WDR17: variants seen among roughly 807,000 people sequenced by gnomAD.
WDR17 encodes WD repeat domain 17.
A neutral mutation model predicts 161.7 loss-of-function variants in WDR17; 143 were observed. The ratio of observed to expected loss-of-function variants is 0.88; its 90% CI spans 0.77 to 1.02. WDR17 has a LOEUF of 1.02. Among genes scored for constraint, WDR17 ranks in the 50% least tolerant of loss-of-function variants. The pLI is 0.00. For missense variants in WDR17, 1,469 were observed against 1,520.9 expected, an observed-to-expected ratio of 0.97 and a Z score of 0.57; for synonymous variants, 517 against 515.6, an observed-to-expected ratio of 1.00 and a Z score of -0.04.
intron 1 of WDR17, among the ~76,000 whole-genome samples, chr4:176,082,308 A>G (rs192646944): frequency 2.0e-5 from 3 of 152,228 alleles, no homozygotes; most frequent in Non-Finnish European, 4.4e-5. Context: ...CTGAATTTTA[A>G]TAACCATGTA....
At chr4:176,123,959 A>T (rs1011961091) in intron 4 of WDR17, among the ~76,000 whole-genome samples, 1 of 152,230 alleles carries the variant, frequency 6.6e-6, no homozygotes, top group Non-Finnish European at 1.5e-5. Flanking sequence ...GCATACAAAA[A>T]GACACTGTAG....
intron 20 of WDR17, among the ~76,000 whole-genome samples, 191 bp from the exon 21 acceptor site, chr4:176,161,884 T>C (rs1254144630): frequency 1.3e-5 from 2 of 152,172 alleles, no homozygotes; most frequent in Non-Finnish European, 2.9e-5. Flanking sequence ...TAGAGGGAGA[T>C]AGAGGCTTAT....
rs140459637 is a variant in WDR17 at position 176,168,688 on chromosome 4, C to G, written c.3007C>G (p.Leu1003Val). The change falls in exon 23 of 29, where the codon CTT becomes GTT. Residue 1003 changes from leucine (L) to valine (V), a missense_variant. Coordinates refer to ENST00000508596, the MANE Select transcript of WDR17 (RefSeq NM_181265.4). ...MISVWNLAAD[L>V]LLMIPDNELH... ...CGTTAACAGGAATTTGGCAGCTGAT[C>G]TTCTTCTGATGATTCCTGATAATGA... The G allele has an allele frequency of 7.3e-3, 11,753 of 1,612,816 alleles. 63 individuals carry two copies. Among genetic ancestry groups the G allele is most frequent in the Non-Finnish European group, 7.8e-3 (9,168 of 1,179,636 alleles).
chr4:176,137,225 A>C (rs1454360843), intron 8 of WDR17, among the ~76,000 whole-genome samples: 3 of 151,550 alleles, frequency 2.0e-5, no homozygotes, highest in African/African-American at 7.2e-5. Flanking sequence ...AGAGATGCAT[A>C]CTGAAGTTTT....
intron 1 of WDR17, among the ~76,000 whole-genome samples, chr4:176,073,318 T>C (rs927436475): frequency 2.6e-5 from 4 of 152,120 alleles, no homozygotes; most frequent in Non-Finnish European, 5.9e-5. Flanking sequence ...TGTGTTCTCA[T>C]TGTTCAATTC....
chr4:176,171,255 GATC>G (rs1416451735), intron 23 of WDR17, among the ~76,000 whole-genome samples: 1 of 152,142 alleles, frequency 6.6e-6, no homozygotes, highest in Non-Finnish European at 1.5e-5. Flanking sequence ...TTACAAGGAT[GATC>G]ATCTTTTTCT....
intron 1 of WDR17, among the ~76,000 whole-genome samples, chr4:176,092,825 A>G (rs1304016651): frequency 6.6e-6 from 1 of 152,018 alleles, no homozygotes; most frequent in Non-Finnish European, 1.5e-5. Flanking sequence ...GTGGATCACT[A>G]GCGGTCAGGA....
intron 26 of WDR17, among the ~76,000 whole-genome samples, chr4:176,174,935 T>C (rs1233213912): frequency 6.6e-6 from 1 of 152,240 alleles, no homozygotes; most frequent in African/African-American, 2.4e-5. Flanking sequence ...CTAGGATTTA[T>C]TGATCTTTCA....
At chr4:176,091,107 G>C (rs1360817833) in intron 1 of WDR17, among the ~76,000 whole-genome samples, 1 of 152,144 alleles carries the variant, frequency 6.6e-6, no homozygotes, top group Non-Finnish European at 1.5e-5. Context: ...GGCCAGTTTT[G>C]GGGCTAGTTT....
chr4:176,083,835 C>A (rs1322930427), intron 1 of WDR17, among the ~76,000 whole-genome samples: 1 of 152,104 alleles, frequency 6.6e-6, no homozygotes, highest in Non-Finnish European at 1.5e-5. Flanking sequence ...TGTCGCCAAT[C>A]TGTGGTATTG....
chr4:176,157,450 G>T (rs1748334104), intron 18 of WDR17, among the ~76,000 whole-genome samples: 1 of 152,196 alleles, frequency 6.6e-6, no homozygotes, highest in Admixed American at 6.5e-5. Flanking sequence ...CCAACAGTAA[G>T]TTAAGCAACA....
rs1442496433 is a variant in WDR17, at chr4:176,181,171, C to T, written c.*1592C>T. 6.8e-6 allele frequency: 1 copy of T among 146,928 alleles called. No homozygotes were observed. The highest frequency in any genetic ancestry group is 1.5e-5 in the Non-Finnish European group (1 of 66,832). The allele number at this position is 146,928 out of a possible 1,614,324, so 9.1% of individuals were successfully genotyped here. A position where few individuals can be genotyped will look rare whatever the true frequency, so the allele number is the denominator to read the frequency against. On this transcript the variant is annotated 3_prime_UTR_variant, in exon 29 of 29. Coordinates refer to ENST00000508596, the MANE Select transcript of WDR17 (RefSeq NM_181265.4). ...CTTTTGATTCCTTAAAAAGACATTA[C>T]AGGCTTAAATTCCATTTTATTAAAA... is the stretch of plus-strand genomic sequence containing the variant.
intron 3 of WDR17, among the ~76,000 whole-genome samples, 179 bp downstream of exon 3, chr4:176,116,158 T>C (rs377215493): frequency 6.6e-6 from 1 of 151,866 alleles, no homozygotes; most frequent in East Asian, 1.9e-4. Context: ...AAACAAAATT[T>C]CATGAAATAA....
In WDR17 at chr4:176,173,340, T is replaced by C. The variant is rs1751009793; in HGVS notation, c.3318T>C (p.Thr1106=). ...PVLDLLSYIR[T]EKLLLHTCTE... ...TTGACCTACTGAGCTATATTCGTAC[T>C]GAAAAATTACTCTTGCATACGTGTA... Residue 1106 remains threonine, a synonymous_variant, in exon 25 of 29, where the codon ACT becomes ACC. Coordinates refer to ENST00000508596, the MANE Select transcript of WDR17 (RefSeq NM_181265.4). The C allele has an allele frequency of 2.5e-6, 4 of 1,612,828 alleles. No homozygotes were observed. The highest frequency in any genetic ancestry group is 3.4e-6 in the Non-Finnish European group (4 of 1,179,478).
At chr4:176,166,638 A>G (rs1314871676) in intron 22 of WDR17, among the ~76,000 whole-genome samples, 3 of 152,192 alleles carry the variant, frequency 2.0e-5, no homozygotes, top group African/African-American at 4.8e-5. Flanking sequence ...CTATAGTTCA[A>G]TGAAGTTTGA....
rs1736920762 is a variant in WDR17, at chr4:176,096,665, C to T, written c.-6-14910C>T. On this transcript the variant is annotated intron_variant, in intron 1 of 28. Coordinates refer to ENST00000508596, the MANE Select transcript of WDR17 (RefSeq NM_181265.4). Reference sequence around the variant, plus strand: ...TTCTCATATAGTTTTATATCTGTGTCATTTATATCGTGGACATTTTCGCAT... The same window carrying T: ...TTCTCATATAGTTTTATATCTGTGTTATTTATATCGTGGACATTTTCGCAT... 5.2e-6 allele frequency: 6 copies of T among 1,147,974 alleles called. No individual in the cohort carries two copies. The East Asian group carries it at 1.1e-4, about 20-fold the overall frequency. The allele number at this position is 1,147,974 out of a possible 1,614,324, so 71.1% of individuals were successfully genotyped here.
chr4:176,078,740 T>G (rs1734373110), intron 1 of WDR17, among the ~76,000 whole-genome samples: 1 of 152,098 alleles, frequency 6.6e-6, no homozygotes, highest in Non-Finnish European at 1.5e-5. Flanking sequence ...TTTGTCATTT[T>G]TTAATTAATT....
At chr4:176,140,638 T>G (rs1163446899) in intron 10 of WDR17, among the ~76,000 whole-genome samples, 1 of 152,106 alleles carries the variant, frequency 6.6e-6, no homozygotes. Flanking sequence ...CTTCGATAGG[T>G]GGATAGGTGG....
chr4:176,130,571 T>C (rs184185295), intron 6 of WDR17, among the ~76,000 whole-genome samples: 2,174 of 149,778 alleles, frequency 0.015, 19 homozygotes, highest in Middle Eastern at 0.024. Context: ...AGTGAAACCC[T>C]GTCTCTACTA....
Sources: allele counts gnomAD v4.1 joint callset (sites outside exome capture counted in the v4.1 genomes callset), GRCh38; gene constraint gnomAD v4.1.1; transcripts MANE v1.5; gene names NCBI Gene and HGNC (gene_info 2026-07-23, HGNC 2026-07-21).